Variants in HTR7 observed in about 807,000 individuals in gnomAD.
The protein encoded by HTR7 is 5-hydroxytryptamine receptor 7.
A neutral mutation model predicts 34.0 loss-of-function variants in HTR7; 16 were observed. That is an observed-to-expected ratio of 0.47 (90% CI 0.32 to 0.71). HTR7 has a LOEUF of 0.71. HTR7 is among the 30% of genes least tolerant of loss of function. HTR7 has a pLI of 0.04. For synonymous variants in HTR7, 265 were observed against 260.2 expected, an observed-to-expected ratio of 1.02 and a Z score of -0.18; for missense variants, 504 against 625.5, an observed-to-expected ratio of 0.81 and a Z score of 2.07.
chr10:90,813,891 G>C lies in HTR7; in HGVS notation c.539+43242C>G, dbSNP rs535625673. 2.1e-4 allele frequency among the ~76,000 whole-genome samples: 32 copies of C among 152,242 alleles called. No individual in the cohort carries two copies. The East Asian group carries it at 6.0e-3, about 29-fold the overall frequency. ...CACCAGCTATGTAAACATCGCACCT[G>C]GTCCAACCAATCTATGGGCCCTATG... On this transcript the variant is annotated intron_variant, in intron 1 of 3. Transcript: ENST00000336152.
rs1243831673 is a variant in HTR7 at position 90,749,687 on chromosome 10, C to T, written c.540-93G>A. 30 of 1,164,076 alleles carry T rather than the reference C, an allele frequency of 2.6e-5. No individual in the cohort carries two copies. The highest frequency in any genetic ancestry group is 7.4e-5 in the South Asian group (5 of 67,878). 72.1% of individuals were successfully genotyped at this position (1,164,076 alleles called of 1,614,324 possible). On this transcript the variant is annotated intron_variant, in intron 1 of 3. Coordinates refer to ENST00000336152, the MANE Select transcript of HTR7 (RefSeq NM_019859.4). The surrounding 1 kb of genome is among the most constrained non-coding windows in gnomAD (Gnocchi z 4.2). ...CCAGCCAGGTACCAGCGCCAGTCCT[C>T]GCAACAGCCCTTCTAGGTAGGCATC...
chr10:90,804,470 A>C (rs180794440), intron 1 of HTR7, among the ~76,000 whole-genome samples: 1 of 152,276 alleles, frequency 6.6e-6, no homozygotes, highest in Non-Finnish European at 1.5e-5. Flanking sequence ...ATGGGCTGGT[A>C]CGGGTTCATT....
intron 1 of HTR7, among the ~76,000 whole-genome samples, chr10:90,772,509 A>G (rs1845131981): frequency 6.6e-6 from 1 of 152,184 alleles, no homozygotes; most frequent in Admixed American, 6.5e-5. Context: ...TTTATCTCCT[A>G]TTTCCTTGTA....
chr10:90,788,155 G>A (rs556448554), intron 1 of HTR7, among the ~76,000 whole-genome samples: 1 of 152,184 alleles, frequency 6.6e-6, no homozygotes, highest in East Asian at 1.9e-4. Flanking sequence ...GCCAGCAAGG[G>A]ATTATAGCAA....
intron 1 of HTR7, among the ~76,000 whole-genome samples, chr10:90,822,551 G>T (rs1178971129): frequency 6.6e-6 from 1 of 152,350 alleles, no homozygotes; most frequent in South Asian, 2.1e-4. Flanking sequence ...TAAAAGTTTG[G>T]AAAATTTGTA....
chr10:90,759,187 CAAA>C (rs35551588), intron 1 of HTR7, among the ~76,000 whole-genome samples: 15 of 119,568 alleles, frequency 1.3e-4, no homozygotes, highest in Admixed American at 1.7e-4. Context: ...AACTCTGTCT[CAAA>C]AAAAAAAAAA....
rs1197586642 is a variant in HTR7 at position 90,857,881 on chromosome 10, G to C, written c.-210C>G. On this transcript the variant is annotated 5_prime_UTR_variant, in exon 1 of 4. Coordinates refer to ENST00000336152, the MANE Select transcript of HTR7 (RefSeq NM_019859.4). This position sits in a 1 kb window ranked among gnomAD's most constrained non-coding sequence, Gnocchi z 6.5. Reference sequence around the variant, plus strand: ...GGTAACGCGGCAGCGCGGCCTCACGGGGACTCCCTGCGGGAGGCGCTTCGG... The same window carrying C: ...GGTAACGCGGCAGCGCGGCCTCACGCGGACTCCCTGCGGGAGGCGCTTCGG... Among the ~76,000 whole-genome samples, 4 of 151,386 alleles carry C rather than the reference G, an allele frequency of 2.6e-5. No individual in the cohort carries two copies. The highest frequency in any genetic ancestry group is 2.0e-4 in the Admixed American group (3 of 15,200).
At chr10:90,849,983 T>C (rs1292711163) in intron 1 of HTR7, among the ~76,000 whole-genome samples, 2 of 152,114 alleles carry the variant, frequency 1.3e-5, no homozygotes, top group Admixed American at 6.5e-5. Flanking sequence ...CTTGCCAAAA[T>C]TGGGTGAAGG....
chr10:90,788,259 C>A (rs1845411453), intron 1 of HTR7, among the ~76,000 whole-genome samples: 1 of 152,066 alleles, frequency 6.6e-6, no homozygotes, highest in Non-Finnish European at 1.5e-5. Flanking sequence ...CCCAGATTTA[C>A]CAAAAACGAA....
At chr10:90,808,160 C>T (rs1845732802) in intron 1 of HTR7, among the ~76,000 whole-genome samples, 1 of 152,196 alleles carries the variant, frequency 6.6e-6, no homozygotes, top group African/African-American at 2.4e-5. Flanking sequence ...GGACGCCTGC[C>T]TTGGTCCTTC....
At chr10:90,746,401 T>A (rs1235827430) in intron 2 of HTR7, among the ~76,000 whole-genome samples, 2 of 152,166 alleles carry the variant, frequency 1.3e-5, no homozygotes, top group Non-Finnish European at 2.9e-5. Context: ...TGCATGCAAA[T>A]ATAGCAGTGT....
chr10:90,746,766 C>T (rs1844643868), intron 2 of HTR7, among the ~76,000 whole-genome samples: 1 of 152,154 alleles, frequency 6.6e-6, no homozygotes, highest in Non-Finnish European at 1.5e-5. Flanking sequence ...TCTGCCTAAT[C>T]CTCACCAGTT....
chr10:90,742,791 A>G (rs1319204854), intron 3 of HTR7, among the ~76,000 whole-genome samples: 5 of 152,198 alleles, frequency 3.3e-5, no homozygotes, highest in African/African-American at 1.2e-4. Flanking sequence ...CACCTTTTTA[A>G]TACAGCTATA....
At chr10:90,852,294 A>C (rs1045122126) in intron 1 of HTR7, among the ~76,000 whole-genome samples, 1 of 152,208 alleles carries the variant, frequency 6.6e-6, no homozygotes, top group Non-Finnish European at 1.5e-5. Flanking sequence ...AAATGTAGTA[A>C]TGCAGAACAA....
Position 90,743,671 on chromosome 10 carries a change from C to T in HTR7, c.1315G>A (p.Val439Met). ...EFVLRACTRR[V>M]LLRPEKRPPV... is the part of the protein sequence containing the mutation. ...GGCCTCTTTTCTGGTCTCAACAGCA[C>T]CCTCCTTGTGCAGGCCCTCCTGCAA... The change falls in exon 3 of 4, where the codon GTG becomes ATG. Residue 439 changes from valine to methionine, a missense_variant. Physicochemically the swap from Val to Met is conservative, Grantham distance 21 (BLOSUM62 1). Coordinates refer to ENST00000336152, the MANE Select transcript of HTR7 (RefSeq NM_019859.4). 4 of 1,613,780 alleles carry T rather than the reference C, an allele frequency of 2.5e-6. No homozygotes were observed. The highest frequency in any genetic ancestry group is 3.4e-6 in the Non-Finnish European group (4 of 1,179,734).
intron 1 of HTR7, among the ~76,000 whole-genome samples, chr10:90,795,648 G>C (rs919176575): frequency 6.6e-6 from 1 of 152,226 alleles, no homozygotes; most frequent in Non-Finnish European, 1.5e-5. Context: ...AATCAATTTA[G>C]AAGGTTTGCT....
At chr10:90,818,673 C>G (rs150115942) in intron 1 of HTR7, among the ~76,000 whole-genome samples, 2 of 152,262 alleles carry the variant, frequency 1.3e-5, no homozygotes, top group African/African-American at 4.8e-5. Flanking sequence ...CCACTAGATG[C>G]TGGCACCATG....
intron 1 of HTR7, among the ~76,000 whole-genome samples, chr10:90,799,920 A>G (rs946714782): frequency 2.0e-5 from 3 of 152,242 alleles, no homozygotes; most frequent in Non-Finnish European, 2.9e-5. Flanking sequence ...TCCAAATCAT[A>G]TATCTGATAA....
At chr10:90,771,396 C>T (rs576977322) in intron 1 of HTR7, among the ~76,000 whole-genome samples, 2 of 152,332 alleles carry the variant, frequency 1.3e-5, no homozygotes, top group East Asian at 3.9e-4. Context: ...CTGAAACATA[C>T]CCACTGCTCA....
Sources: gnomAD v4.1 joint callset for allele counts (sites outside exome capture counted in the v4.1 genomes callset) on GRCh38, gnomAD v4.1.1 for gene constraint, Gnocchi (gnomAD v3.1) non-coding constraint, MANE v1.5 for transcripts, NCBI Gene and HGNC (gene_info 2026-07-23, HGNC 2026-07-21) for gene names.